Variants in DRC8 observed in about 807,000 individuals in gnomAD.
DRC8 encodes dynein regulatory complex protein 8.
the DRC8 span, among the ~76,000 whole-genome samples, chr1:245,028,837 A>G: frequency 6.6e-6 from 1 of 152,244 alleles, no homozygotes; most frequent in Admixed American, 6.5e-5. Flanking sequence ...ACTAGTTTCT[A>G]GGGATCACTC....
the DRC8 span, among the ~76,000 whole-genome samples, chr1:245,004,267 A>G: frequency 6.6e-6 from 1 of 151,990 alleles, no homozygotes; most frequent in Admixed American, 6.6e-5. Flanking sequence ...TCACTCTTAA[A>G]TATTTTTTAG....
At chr1:245,061,836 C>A in the DRC8 span, among the ~76,000 whole-genome samples, 1 of 152,138 alleles carries the variant, frequency 6.6e-6, no homozygotes, top group Non-Finnish European at 1.5e-5. Flanking sequence ...CTGGGCACAG[C>A]AGCTCACGCC....
the DRC8 span, among the ~76,000 whole-genome samples, chr1:245,088,983 G>T: frequency 6.6e-6 from 1 of 152,198 alleles, no homozygotes; most frequent in Non-Finnish European, 1.5e-5. The surrounding 1 kb of genome is among the most constrained non-coding windows in gnomAD (Gnocchi z 4.6). Flanking sequence ...AGGTTTCAGT[G>T]TGAGAGTTTG....
chr1:245,054,785 T>A, the DRC8 span, among the ~76,000 whole-genome samples: 1 of 152,238 alleles, frequency 6.6e-6, no homozygotes, highest in Admixed American at 6.5e-5. Flanking sequence ...CGCACTCTTA[T>A]GAGTATCAAG....
At chr1:245,030,158 GTTTC>G in the DRC8 span, among the ~76,000 whole-genome samples, 1 of 152,196 alleles carries the variant, frequency 6.6e-6, no homozygotes, top group East Asian at 1.9e-4. Context: ...GCTCATGGTA[GTTTC>G]TTTATTAGCT....
chr1:245,121,983 C>T, the DRC8 span: 7 of 393,284 alleles, frequency 1.8e-5, no homozygotes, highest in South Asian at 9.7e-5. Flanking sequence ...GTTGCAACCT[C>T]CACCTCCCGG....
the DRC8 span, among the ~76,000 whole-genome samples, chr1:245,082,904 T>G: frequency 1.3e-5 from 2 of 152,226 alleles, no homozygotes; most frequent in East Asian, 3.9e-4. Flanking sequence ...AGACAGAGTT[T>G]CACTATGTTG....
At chr1:245,017,340 T>C in the DRC8 span, 1 of 1,570,904 alleles carries the variant, frequency 6.4e-7, no homozygotes, top group Admixed American at 2.1e-5. Context: ...TGGAAATATT[T>C]TTTTTTTTGT....
the DRC8 span, among the ~76,000 whole-genome samples, chr1:245,085,308 G>A: frequency 6.6e-6 from 1 of 152,332 alleles, no homozygotes; most frequent in South Asian, 2.1e-4. Flanking sequence ...ATGGTAGAAT[G>A]TATATGGTTA....
chr1:245,017,460 C>T, the DRC8 span: 2 of 922,180 alleles, frequency 2.2e-6, no homozygotes, highest in Non-Finnish European at 3.1e-6. Context: ...TTTCCATGCT[C>T]CGTAAAAGGT....
the DRC8 span, among the ~76,000 whole-genome samples, chr1:244,996,442 C>T: frequency 2.0e-5 from 3 of 152,118 alleles, no homozygotes; most frequent in Admixed American, 1.3e-4. Flanking sequence ...GCCATATGGA[C>T]GTTACCAGGA....
chr1:245,032,853 G>C, the DRC8 span, among the ~76,000 whole-genome samples: 1 of 152,058 alleles, frequency 6.6e-6, no homozygotes, highest in South Asian at 2.1e-4. Flanking sequence ...GATGAGATTT[G>C]GGCTTTTAGA....
At chr1:245,042,833 C>T in the DRC8 span, among the ~76,000 whole-genome samples, 3 of 152,124 alleles carry the variant, frequency 2.0e-5, no homozygotes, top group Non-Finnish European at 4.4e-5. Context: ...CAGCCTAGCT[C>T]AATGGCACTG....
chr1:244,990,861 T>C, the DRC8 span, among the ~76,000 whole-genome samples: 1 of 151,998 alleles, frequency 6.6e-6, no homozygotes, highest in Non-Finnish European at 1.5e-5. Flanking sequence ...TGCTAGGATC[T>C]AGTTCTACTC....
chr1:244,981,592 TA>T, the DRC8 span, among the ~76,000 whole-genome samples: 11 of 152,116 alleles, frequency 7.2e-5, no homozygotes, highest in Non-Finnish European at 1.3e-4. Context: ...GCTCAAAAGG[TA>T]AGCGCTTGGA....
At chr1:245,024,006 C>T in the DRC8 span, among the ~76,000 whole-genome samples, 2 of 152,030 alleles carry the variant, frequency 1.3e-5, no homozygotes, top group African/African-American at 4.8e-5. Context: ...CCCGTCTCTA[C>T]TAAAAATACA....
chr1:245,086,285 G>A, the DRC8 span, among the ~76,000 whole-genome samples: 2 of 152,168 alleles, frequency 1.3e-5, no homozygotes, highest in Non-Finnish European at 2.9e-5. Flanking sequence ...TCTAAGTTAC[G>A]ATTTAATATA....
At chr1:245,113,186 T>C in the DRC8 span, among the ~76,000 whole-genome samples, 2 of 152,208 alleles carry the variant, frequency 1.3e-5, no homozygotes, top group Non-Finnish European at 2.9e-5. Context: ...TCCTATAAAG[T>C]TTCCCCCCTA....
the DRC8 span, among the ~76,000 whole-genome samples, chr1:245,058,375 G>A: frequency 2.0e-5 from 3 of 152,294 alleles, no homozygotes; most frequent in Admixed American, 2.0e-4. Flanking sequence ...GAAGGAAGAT[G>A]AGTAAGTGAA....
Sources: gnomAD v4.1 joint callset for allele counts (sites outside exome capture counted in the v4.1 genomes callset) on GRCh38, gnomAD v4.1.1 for gene constraint, Gnocchi (gnomAD v3.1) non-coding constraint, MANE v1.5 for transcripts, NCBI Gene and HGNC (gene_info 2026-07-23, HGNC 2026-07-21) for gene names.